The following ABCC1 variants were observed in gnomAD, a reference collection of about 807,000 sequenced individuals.
ABCC1 encodes the protein multidrug resistance-associated protein 1.
ABCC1 carries 83 observed loss-of-function variants against 172.9 expected under a neutral mutation model. That is an observed-to-expected ratio of 0.48 (90% confidence interval 0.40 to 0.58). ABCC1 has a LOEUF of 0.58. Ranked by LOEUF, ABCC1 falls within the 20% of genes least tolerant of loss-of-function variation. ABCC1 has a pLI of 0.00. For synonymous variants in ABCC1, 937 were observed against 825.2 expected (o/e 1.14, Z -2.32); for missense variants, 1,817 against 2,002.7 (o/e 0.91, Z 1.77).
chr16:16,007,096 G>C (rs1044709505), intron 1 of ABCC1, among the ~76,000 whole-genome samples: 3 of 152,070 alleles, frequency 2.0e-5, no homozygotes, highest in Non-Finnish European at 4.4e-5. Flanking sequence ...CCTTTAAATG[G>C]CTCTCTCCAT....
Position 16,042,597 on chromosome 16 carries a change from G to A in ABCC1, c.810-1853G>A, listed in dbSNP as rs144655830. Among the ~76,000 whole-genome samples, 1,501 of 152,052 alleles carry A rather than the reference G, an allele frequency of 9.9e-3. 18 individuals are homozygous for A. Among genetic ancestry groups the A allele is most frequent in the African/African-American group, 0.034 (1,411 of 41,498 alleles). On this transcript the variant is annotated intron_variant, in intron 7 of 30. Transcript: ENST00000399410. ...GCACACCTGTAATCCCAGCTACTCG[G>A]GAGGCTGAGGCAGGAGAATCGCTTG...
At chr16:16,002,298 ATTTAC>A (rs2047343362) in intron 1 of ABCC1, among the ~76,000 whole-genome samples, 2 of 152,140 alleles carry the variant, frequency 1.3e-5, no homozygotes, top group South Asian at 4.1e-4. Flanking sequence ...GAAGATGTAT[ATTTAC>A]TTTATTTTTG....
In ABCC1 at chr16:16,111,542, A is replaced by C. The variant is rs914307590; in HGVS notation, c.3039A>C (p.Lys1013Asn). The C allele has an allele frequency of 8.1e-6, 13 of 1,613,878 alleles. No homozygotes were observed. In the Admixed American group the frequency reaches 1.5e-4, roughly 19 times the overall value. The change falls in exon 22 of 31, where the codon AAA (lysine) becomes AAC (asparagine). Residue 1013 changes from lysine to asparagine, a missense_variant. Lys to Asn is a moderately conservative substitution (Grantham distance 94, BLOSUM62 0). Transcript: ENST00000399410. ...PIVNGTQEHT[K>N]VRLSVYGALG... is the part of the protein sequence containing the mutation. ...TCAACGGGACTCAGGAGCACACGAA[A>C]GTCCGGCTGAGCGTCTATGGAGCCC... is the stretch of plus-strand genomic sequence containing the variant.
In ABCC1 at chr16:16,096,629, A is replaced by G. The variant is rs114657827; in HGVS notation, c.2645-5998A>G. Among the ~76,000 whole-genome samples, 163 of 152,340 alleles carry G rather than the reference A, an allele frequency of 1.1e-3. 1 individual carries two copies. The highest frequency in any genetic ancestry group is 3.6e-3 in the African/African-American group (151 of 41,586). On this transcript the variant is annotated intron_variant, in intron 19 of 30. Transcript: ENST00000399410. ...AGCCAGTGAATGCCGTTTTTGGTCA[A>G]AAATGAGGCGTTGACTATAAAGCTG...
At chr16:15,959,474 C>T (rs368684275) in intron 1 of ABCC1, among the ~76,000 whole-genome samples, 1 of 152,270 alleles carries the variant, frequency 6.6e-6, no homozygotes, top group East Asian at 1.9e-4. Context: ...CAGAGGTGCA[C>T]ACCACCATAC....
intron 1 of ABCC1, among the ~76,000 whole-genome samples, chr16:15,978,544 A>G (rs1345512097): frequency 6.6e-6 from 1 of 152,102 alleles, no homozygotes; most frequent in Non-Finnish European, 1.5e-5. Context: ...TGTAATGGCC[A>G]TTTATGGACA....
chr16:16,138,550 C>G lies in ABCC1; in HGVS notation c.4479C>G (p.Asp1493Glu). The G allele has an allele frequency of 1.3e-6, 2 of 1,589,530 alleles. No homozygotes were observed. Among genetic ancestry groups the G allele is most frequent in the Non-Finnish European group, 1.7e-6 (2 of 1,161,552 alleles). ...TIAHRLNTIM[D>E]YTRVIVLDKG... Reference sequence around the variant, plus strand: ...CCCACCGGCTCAACACCATCATGGACTACACAAGGTGATGCCACTGGCACA... The same window carrying G: ...CCCACCGGCTCAACACCATCATGGAGTACACAAGGTGATGCCACTGGCACA... The change falls in exon 30 of 31, where the codon GAC (aspartate) becomes GAG (glutamate). Residue 1493 changes from aspartate (D) to glutamate (E), a missense_variant. Asp to Glu is a conservative substitution (Grantham distance 45). Transcript: ENST00000399410.
At chr16:15,977,387 G>A (rs1356937761) in intron 1 of ABCC1, among the ~76,000 whole-genome samples, 1 of 152,006 alleles carries the variant, frequency 6.6e-6, no homozygotes, top group African/African-American at 2.4e-5. Context: ...CTGGCTCTTT[G>A]TCCCATTTAT....
chr16:16,110,550 CA>C (rs2052341604), intron 21 of ABCC1, among the ~76,000 whole-genome samples: 1 of 151,970 alleles, frequency 6.6e-6, no homozygotes, highest in Admixed American at 6.6e-5. Context: ...CCACCATGCC[CA>C]GCTAATTTTT....
In ABCC1 at chr16:16,111,391, AC is replaced by A. The variant is rs1392909860; in HGVS notation, c.2889del (p.Trp964GlyfsTer4). 1.7e-5 allele frequency: 28 copies of A among 1,614,078 alleles called. No individual in the cohort carries two copies. The highest frequency in any genetic ancestry group is 2.2e-5 in the Non-Finnish European group (26 of 1,179,996). On this transcript the variant is annotated frameshift_variant, in exon 22 of 31. Coordinates refer to ENST00000399410, the MANE Select transcript of ABCC1 (RefSeq NM_004996.4). LOFTEE classifies it high-confidence loss of function. The stretch of plus-strand genomic sequence containing the variant: ...GATCTCCAGGTCAAGCTTTCCGTGT[AC>A]TGGGACTACATGAAGGCCATCGGAC... The part of the protein sequence containing the change: ...AQTGQVKLSV[Y>X]WDYMKAIGLF...
At chr16:16,138,651 T>C in intron 30 of ABCC1, 93 bp downstream of exon 30, 2 of 1,053,518 alleles carry the variant, frequency 1.9e-6, no homozygotes, top group South Asian at 2.4e-5. Context: ...AACACTGTCC[T>C]TATCCCTAGT....
intron 27 of ABCC1, among the ~76,000 whole-genome samples, chr16:16,132,921 C>T (rs1168671901): frequency 6.6e-6 from 1 of 152,124 alleles, no homozygotes; most frequent in Non-Finnish European, 1.5e-5. Flanking sequence ...CATCTGGCAA[C>T]ATCAGGTCAA....
chr16:16,052,715 C>T lies in ABCC1; in HGVS notation c.1381-9C>T. The T allele has an allele frequency of 6.2e-7, 1 of 1,613,892 alleles. No individual in the cohort carries two copies. The highest frequency in any genetic ancestry group is 8.5e-7 in the Non-Finnish European group (1 of 1,179,816). Reference sequence around the variant, plus strand: ...GGTGAGTGATGAAGAGTCTCCTTTCCTTCCTTAGAATCTGGGCCCTTCCGT... The same window carrying T: ...GGTGAGTGATGAAGAGTCTCCTTTCTTTCCTTAGAATCTGGGCCCTTCCGT... On this transcript the variant is annotated splice_polypyrimidine_tract_variant and intron_variant, in intron 10 of 30. Coordinates refer to ENST00000399410, the MANE Select transcript of ABCC1 (RefSeq NM_004996.4).
intron 17 of ABCC1, among the ~76,000 whole-genome samples, chr16:16,083,785 G>T (rs1300700617): frequency 6.6e-6 from 1 of 152,152 alleles, no homozygotes; most frequent in African/African-American, 2.4e-5. Context: ...TTCCAAAGGG[G>T]GGCTCTTCTC....
At chr16:15,982,192 T>A (rs1272538455) in intron 1 of ABCC1, among the ~76,000 whole-genome samples, 1 of 152,154 alleles carries the variant, frequency 6.6e-6, no homozygotes, top group Non-Finnish European at 1.5e-5. Context: ...GATACTCAGT[T>A]CCAAAGTTGC....
chr16:16,014,653 C>T, intron 4 of ABCC1, 25 bp downstream of exon 4: 2 of 1,612,050 alleles, frequency 1.2e-6, no homozygotes, highest in Non-Finnish European at 1.7e-6. Flanking sequence ...CCTTCCTCAT[C>T]TTCCTTCAGT....
chr16:15,962,478 T>C (rs527322512), intron 1 of ABCC1, among the ~76,000 whole-genome samples: 34 of 152,316 alleles, frequency 2.2e-4, no homozygotes, highest in African/African-American at 7.2e-4. Context: ...GGTACTGATA[T>C]TAGTTTGTTC....
intron 29 of ABCC1, 90 bp from the exon 30 acceptor site, chr16:16,138,274 C>T: frequency 1.6e-6 from 2 of 1,268,796 alleles, no homozygotes; most frequent in East Asian, 2.4e-5. Flanking sequence ...CATAGAGTGT[C>T]TCCTTTCGCT....
At chr16:16,120,784 A>T (rs147518086) in intron 23 of ABCC1, among the ~76,000 whole-genome samples, 2 of 152,000 alleles carry the variant, frequency 1.3e-5, no homozygotes, top group African/African-American at 4.8e-5. Context: ...TGGCAACTCT[A>T]ACAGCGCTGG....
Sources: allele counts gnomAD v4.1 joint callset (sites outside exome capture counted in the v4.1 genomes callset), GRCh38; gene constraint gnomAD v4.1.1; transcripts MANE v1.5; gene names NCBI Gene and HGNC (gene_info 2026-07-23, HGNC 2026-07-21).